Variants in SLC35F4 observed in about 807,000 individuals in gnomAD.
SLC35F4 encodes solute carrier family 35 member F4, also known as chromosome 14 open reading frame 36.
SLC35F4 carries 24 observed loss-of-function variants against 44.2 expected under a neutral mutation model. That is an observed-to-expected ratio of 0.54 (90% CI 0.39 to 0.76). SLC35F4 has a LOEUF of 0.76. SLC35F4 is among the 30% of genes least tolerant of loss of function. SLC35F4 has a pLI of 0.00. For synonymous variants in SLC35F4, 238 were observed against 223.6 expected (o/e 1.06, Z -0.57); for missense variants, 562 against 586.1 (o/e 0.96, Z 0.42).
chr14:57,767,674 A>T (rs1019082687), intron 1 of SLC35F4, among the ~76,000 whole-genome samples: 1 of 152,162 alleles, frequency 6.6e-6, no homozygotes, highest in African/African-American at 2.4e-5. Flanking sequence ...AATAAAGATA[A>T]TAGAATAAAT....
In SLC35F4 at chr14:57,589,485, C is replaced by T; in HGVS notation, c.318G>A (p.Glu106=). The T allele has an allele frequency of 6.2e-7, 1 of 1,613,246 alleles. No homozygotes were observed. The highest frequency in any genetic ancestry group is 8.5e-7 in the Non-Finnish European group (1 of 1,179,660). ...TGATTCTGTTTTCTTGGCTGCTGTT[C>T]TCAGAATGAGTCTGTGTCCCATCGT... is the stretch of plus-strand genomic sequence containing the variant. ...SADDGTQTHS[E]NSSQENRIKA... The change falls in exon 3 of 8, where the codon GAG becomes GAA. Residue 106 remains glutamate (E), a synonymous_variant. Transcript: ENST00000556826.
chr14:57,952,156 G>C (rs538769482), intron 1 of SLC35F4, among the ~76,000 whole-genome samples: 58 of 152,290 alleles, frequency 3.8e-4, no homozygotes, highest in Non-Finnish European at 5.7e-4. Context: ...GGTCTGGAGT[G>C]GACCTCCAGC....
At chr14:57,680,548 G>C (rs1483447611) in intron 1 of SLC35F4, among the ~76,000 whole-genome samples, 1 of 152,066 alleles carries the variant, frequency 6.6e-6, no homozygotes, top group African/African-American at 2.4e-5. Flanking sequence ...AAGAAATAAA[G>C]GGTATTCGAA....
At chr14:57,707,370 T>A (rs1031791666) in intron 1 of SLC35F4, among the ~76,000 whole-genome samples, 2 of 152,124 alleles carry the variant, frequency 1.3e-5, no homozygotes, top group African/African-American at 2.4e-5. Context: ...ACCCATGCTG[T>A]TTTTATGATA....
At chr14:57,797,627 T>A (rs1347806904) in intron 1 of SLC35F4, among the ~76,000 whole-genome samples, 2 of 152,028 alleles carry the variant, frequency 1.3e-5, no homozygotes, top group Non-Finnish European at 2.9e-5. Context: ...CGTATATAAA[T>A]CTACTGAGGA....
At chr14:57,790,477 A>T (rs549218014) in intron 1 of SLC35F4, among the ~76,000 whole-genome samples, 1 of 152,106 alleles carries the variant, frequency 6.6e-6, no homozygotes, top group Admixed American at 6.5e-5. Context: ...TGCTCAAGAA[A>T]ATAAGAGAGG....
intron 1 of SLC35F4, among the ~76,000 whole-genome samples, chr14:57,663,066 T>C (rs1327470960): frequency 6.6e-6 from 1 of 152,192 alleles, no homozygotes; most frequent in Non-Finnish European, 1.5e-5. Context: ...AATTACTCCC[T>C]GCTTCACCAT....
chr14:57,691,327 A>G (rs529999176), intron 1 of SLC35F4, among the ~76,000 whole-genome samples: 3 of 152,332 alleles, frequency 2.0e-5, no homozygotes, highest in Admixed American at 2.0e-4. Context: ...TTCTTTTTAT[A>G]CATTGAAGGT....
intron 1 of SLC35F4, among the ~76,000 whole-genome samples, chr14:57,608,774 C>G (rs1484897693): frequency 7.1e-6 from 1 of 140,542 alleles, no homozygotes; most frequent in African/African-American, 3.0e-5. Context: ...AGAAAAGCAG[C>G]CCAAAAGATG....
intron 1 of SLC35F4, among the ~76,000 whole-genome samples, chr14:57,962,327 G>C (rs891994250): frequency 1.3e-5 from 2 of 152,188 alleles, no homozygotes; most frequent in Admixed American, 6.5e-5. Context: ...GAACCAAGTA[G>C]ACAGAACTCC....
intron 1 of SLC35F4, among the ~76,000 whole-genome samples, chr14:57,905,332 C>T (rs1258025222): frequency 6.6e-6 from 1 of 152,180 alleles, no homozygotes; most frequent in Non-Finnish European, 1.5e-5. Flanking sequence ...GGTGAAGCTG[C>T]AATGTCTTAT....
chr14:57,783,478 TA>T (rs1277008549), intron 1 of SLC35F4, among the ~76,000 whole-genome samples: 1 of 152,206 alleles, frequency 6.6e-6, no homozygotes, highest in East Asian at 1.9e-4. Context: ...AGGAATGGGC[TA>T]ACTCTACTGT....
intron 6 of SLC35F4, among the ~76,000 whole-genome samples, chr14:57,567,001 A>T (rs543620152): frequency 2.6e-5 from 4 of 152,360 alleles, no homozygotes; most frequent in African/African-American, 7.2e-5. Context: ...GGTCTATCCA[A>T]TGATAGCCTA....
chr14:57,939,688 T>A (rs1244077385), intron 1 of SLC35F4, among the ~76,000 whole-genome samples: 2 of 152,228 alleles, frequency 1.3e-5, no homozygotes, highest in Admixed American at 6.5e-5. Context: ...GGAGTTGGAA[T>A]AATGTGGAAT....
At chr14:57,869,228 T>C (rs1888245620), upstream of SLC35F4, among the ~76,000 whole-genome samples, 2 of 151,920 alleles carry the variant, frequency 1.3e-5, no homozygotes, top group Admixed American at 1.3e-4. Flanking sequence ...AGCCAAATCA[T>C]TTGTAAAGTA....
intron 1 of SLC35F4, among the ~76,000 whole-genome samples, chr14:57,731,056 C>T (rs2076331265): frequency 1.3e-5 from 2 of 152,112 alleles, no homozygotes; most frequent in South Asian, 4.1e-4. Flanking sequence ...CATTTTATCT[C>T]TTAGATTCCT....
At chr14:57,632,869 G>T (rs2072850612) in intron 1 of SLC35F4, among the ~76,000 whole-genome samples, 1 of 151,960 alleles carries the variant, frequency 6.6e-6, no homozygotes, top group Non-Finnish European at 1.5e-5. Context: ...AAAATCCTCT[G>T]TGCTTTGCCT....
At chr14:57,724,749 C>T (rs550175717) in intron 1 of SLC35F4, among the ~76,000 whole-genome samples, 39 of 152,242 alleles carry the variant, frequency 2.6e-4, no homozygotes, top group South Asian at 1.2e-3. Context: ...TGGTTCTGCA[C>T]GATATGCAGG....
chr14:57,725,268 C>T (rs1024192294), intron 1 of SLC35F4, among the ~76,000 whole-genome samples: 1 of 152,160 alleles, frequency 6.6e-6, no homozygotes, highest in African/African-American at 2.4e-5. Flanking sequence ...GACTTCCACT[C>T]ACCAAGGCTG....
Sources: gnomAD v4.1 joint callset for allele counts (sites outside exome capture counted in the v4.1 genomes callset) on GRCh38, gnomAD v4.1.1 for gene constraint, MANE v1.5 for transcripts, NCBI Gene and HGNC (gene_info 2026-07-23, HGNC 2026-07-21) for gene names.